NRG1: variants seen among roughly 807,000 people sequenced by gnomAD.
The protein encoded by NRG1 is neuregulin 1.
A neutral mutation model predicts 63.8 loss-of-function variants in NRG1; 18 were observed. The ratio of observed to expected loss-of-function variants is 0.28; its 90% CI spans 0.19 to 0.42. The LOEUF (loss-of-function observed/expected upper bound fraction) is 0.42, where lower values mean the gene tolerates loss of function less well. NRG1 is among the 10% of genes least tolerant of loss of function. The pLI is 1.00. For synonymous variants in NRG1, 302 were observed against 301.3 expected, an observed-to-expected ratio of 1.00 and a Z score of -0.02; for missense variants, 762 against 814.7, an observed-to-expected ratio of 0.94 and a Z score of 0.79.
chr8:32,523,121 ATTG>A (rs1830495322), intron 1 of NRG1, among the ~76,000 whole-genome samples: 1 of 152,096 alleles, frequency 6.6e-6, no homozygotes, highest in Non-Finnish European at 1.5e-5. Context: ...GTCTATTTTT[ATTG>A]TTAAGTTTCT....
At chr8:31,722,904 C>T (rs1331840333) in intron 1 of NRG1, among the ~76,000 whole-genome samples, 4 of 152,004 alleles carry the variant, frequency 2.6e-5, no homozygotes, top group Admixed American at 1.3e-4. Flanking sequence ...GATTGATCAG[C>T]TTAAATGTAA....
chr8:32,513,375 G>C (rs1391359932), intron 1 of NRG1, among the ~76,000 whole-genome samples: 2 of 150,868 alleles, frequency 1.3e-5, no homozygotes, highest in Non-Finnish European at 1.5e-5. Flanking sequence ...GCAAGAAAAA[G>C]GGAAAGGAGT....
At chr8:31,828,489 G>T (rs548456020) in intron 1 of NRG1, among the ~76,000 whole-genome samples, 2 of 152,214 alleles carry the variant, frequency 1.3e-5, no homozygotes, top group East Asian at 1.9e-4. Context: ...TTTCATGCTC[G>T]ACTGGGTCCA....
intron 6 of NRG1, among the ~76,000 whole-genome samples, chr8:32,730,859 G>C (rs1436013722): frequency 6.6e-6 from 1 of 152,136 alleles, no homozygotes; most frequent in Admixed American, 6.5e-5. Flanking sequence ...CAGTGTAATT[G>C]TATTTTAATA....
intron 1 of NRG1, among the ~76,000 whole-genome samples, chr8:32,067,643 A>C (rs936846696): frequency 1.2e-4 from 18 of 152,106 alleles, no homozygotes; most frequent in African/African-American, 4.3e-4. Context: ...TCACCTTTGG[A>C]AGTTACTACC....
chr8:31,752,768 C>T lies in NRG1; in HGVS notation c.37+113337C>T, dbSNP rs553630084. Among the ~76,000 whole-genome samples the T allele has an allele frequency of 5.3e-5, 8 of 151,886 alleles. No individual in the cohort carries two copies. The South Asian group carries it at 6.3e-4, about 12-fold the overall frequency. On this transcript the variant is annotated intron_variant, in intron 1 of 10. Coordinates refer to the NRG1 transcript ENST00000519301. Reference sequence around the variant, plus strand: ...ACAGAGGTGAATAGGGAGAGGAGCACGAGTTCAGTTCTGGATTTGATAAGG... The same window carrying T: ...ACAGAGGTGAATAGGGAGAGGAGCATGAGTTCAGTTCTGGATTTGATAAGG...
chr8:31,892,520 T>C (rs933652400), intron 1 of NRG1, among the ~76,000 whole-genome samples: 5 of 152,102 alleles, frequency 3.3e-5, no homozygotes, highest in African/African-American at 1.2e-4. Context: ...GCTTAATATA[T>C]AAACAAGGCA....
chr8:32,493,930 T>C (rs1826897408), intron 1 of NRG1, among the ~76,000 whole-genome samples: 1 of 152,136 alleles, frequency 6.6e-6, no homozygotes, highest in Admixed American at 6.5e-5. Context: ...AAAGAAGAAA[T>C]ATTAAAGGTG....
At chr8:32,605,139 T>C (rs1022983177) in intron 2 of NRG1, among the ~76,000 whole-genome samples, 4 of 152,202 alleles carry the variant, frequency 2.6e-5, no homozygotes, top group East Asian at 3.9e-4. Context: ...TCAGTAAGTG[T>C]CCTTAACAGA....
chr8:32,211,744 G>A (rs1049776881), intron 1 of NRG1, among the ~76,000 whole-genome samples: 3 of 152,056 alleles, frequency 2.0e-5, no homozygotes, highest in African/African-American at 7.2e-5. Flanking sequence ...TTTTATCCTT[G>A]ATTATAGTTT....
intron 1 of NRG1, among the ~76,000 whole-genome samples, chr8:31,976,589 A>G (rs1297018244): frequency 6.6e-6 from 1 of 151,824 alleles, no homozygotes; most frequent in East Asian, 1.9e-4. Context: ...CAACTTTATT[A>G]CCTTTCATTA....
At chr8:32,169,816 C>A (rs187107831) in intron 1 of NRG1, among the ~76,000 whole-genome samples, 11 of 152,180 alleles carry the variant, frequency 7.2e-5, no homozygotes, top group Admixed American at 5.9e-4. Flanking sequence ...TGAATTATTT[C>A]CTCAAAAAAT....
intron 1 of NRG1, among the ~76,000 whole-genome samples, chr8:31,675,124 C>G (rs1449588490): frequency 6.6e-6 from 1 of 152,212 alleles, no homozygotes; most frequent in Non-Finnish European, 1.5e-5. Context: ...GGATGGATCA[C>G]TTGAGGTCAG....
At chr8:31,755,729 G>C (rs1366504314) in intron 1 of NRG1, among the ~76,000 whole-genome samples, 1 of 152,154 alleles carries the variant, frequency 6.6e-6, no homozygotes, top group Admixed American at 6.6e-5. Flanking sequence ...CTGCAGCAGC[G>C]CGTATTTACT....
At chr8:32,344,199 C>T (rs189150726) in intron 1 of NRG1, among the ~76,000 whole-genome samples, 2 of 152,224 alleles carry the variant, frequency 1.3e-5, no homozygotes, top group Admixed American at 6.5e-5. Context: ...TTTAATTGTA[C>T]CCATCTGGGT....
chr8:32,335,442 T>C (rs934484192), intron 1 of NRG1, among the ~76,000 whole-genome samples: 11 of 152,174 alleles, frequency 7.2e-5, no homozygotes, highest in Non-Finnish European at 1.3e-4. Flanking sequence ...TGGCAATCCT[T>C]CACCAATCCA....
chr8:32,753,717 A>T (rs1829159859), intron 7 of NRG1, among the ~76,000 whole-genome samples: 1 of 152,160 alleles, frequency 6.6e-6, no homozygotes, highest in African/African-American at 2.4e-5. Context: ...TTGTGTTCAC[A>T]TTTTACTGTT....
intron 1 of NRG1, among the ~76,000 whole-genome samples, chr8:32,217,102 A>G (rs1586154922): frequency 2.0e-5 from 3 of 150,736 alleles, no homozygotes; most frequent in South Asian, 2.1e-4. Context: ...AATCCCAGCT[A>G]TTTTGGAGGC....
At chr8:31,837,069 A>G (rs1586728559) in intron 1 of NRG1, among the ~76,000 whole-genome samples, 1 of 152,020 alleles carries the variant, frequency 6.6e-6, no homozygotes, top group African/African-American at 2.4e-5. Flanking sequence ...TATTTTATTT[A>G]TTGTGAAATA....
Sources: allele counts gnomAD v4.1 joint callset (sites outside exome capture counted in the v4.1 genomes callset), GRCh38; gene constraint gnomAD v4.1.1; transcripts MANE v1.5; gene names NCBI Gene and HGNC (gene_info 2026-07-23, HGNC 2026-07-21).